The following TET3 variants were observed in gnomAD, a reference collection of about 807,000 sequenced individuals.
The protein encoded by TET3 is methylcytosine dioxygenase TET3.
In TET3, 19 loss-of-function variants were observed where a neutral mutation model predicts 141.4. The ratio of observed to expected loss-of-function variants is 0.13; its 90% CI spans 0.09 to 0.20. The LOEUF is 0.20. TET3 is among the 10% of genes least tolerant of loss of function. TET3 has a pLI of 1.00. For synonymous variants in TET3, 1,043 were observed against 980.9 expected, an observed-to-expected ratio of 1.06 and a Z score of -1.18; for missense variants, 1,874 against 2,356.9, an observed-to-expected ratio of 0.80 and a Z score of 4.24.
the TET3 span, chr2:74,123,171 G>A: frequency 6.6e-6 from 1 of 152,198 alleles, no homozygotes; most frequent in African/African-American, 2.4e-5. Context: ...GATGAAAAGA[G>A]TTAAGTCCCT....
intron 1 of TET3, among the ~76,000 whole-genome samples, 186 bp downstream of exon 1, chr2:73,985,343 CG>C (rs1215142933): frequency 3.0e-4 from 1 of 3,296 alleles, no homozygotes; most frequent in Non-Finnish European, 7.2e-4. Context: ...GGTGGCGGGG[CG>C]GGGGCGGGGG....
intron 10 of TET3, among the ~76,000 whole-genome samples, chr2:74,096,113 A>T (rs1185157228): frequency 2.6e-5 from 4 of 152,180 alleles, no homozygotes; most frequent in Non-Finnish European, 5.9e-5. Context: ...TGATATTTGT[A>T]AAGTATCTCT....
At chr2:74,120,109 C>T in the TET3 span, among the ~76,000 whole-genome samples, 1 of 152,226 alleles carries the variant, frequency 6.6e-6, no homozygotes, top group Non-Finnish European at 1.5e-5. Context: ...TCTTAAGAGC[C>T]CACAGGTTGG....
intron 8 of TET3, 132 bp from the exon 9 acceptor site, chr2:74,092,770 G>A (rs370464068): frequency 2.0e-5 from 15 of 751,080 alleles, no homozygotes; most frequent in East Asian, 1.1e-4. Flanking sequence ...TGAAGGAAAG[G>A]CCAGAAAGAC....
At chr2:74,003,026 G>A (rs1684946707) in intron 2 of TET3, 84 bp from the exon 3 acceptor site, 7 of 1,478,264 alleles carry the variant, frequency 4.7e-6, no homozygotes, top group Non-Finnish European at 5.5e-6. Flanking sequence ...TTCCCCTCCG[G>A]CCGGGCTGGG....
At chr2:74,025,295 G>T (rs1393535122) in intron 3 of TET3, among the ~76,000 whole-genome samples, 42 of 139,596 alleles carry the variant, frequency 3.0e-4, no homozygotes, top group Non-Finnish European at 4.7e-5. Context: ...GTAGGTTTTT[G>T]TTTTTTTTTT....
the TET3 span, chr2:74,122,949 C>G: frequency 9.2e-5 from 14 of 152,032 alleles, no homozygotes. Context: ...CCACCTTGGC[C>G]TCCCAGAGTG....
chr2:74,003,191 TG>T, intron 3 of TET3, 25 bp downstream of exon 3: 2 of 1,231,854 alleles, frequency 1.6e-6, no homozygotes, highest in Non-Finnish European at 2.2e-6. Context: ...TGCGTGCGTG[TG>T]TGTGCGTGTG....
rs768571612 is a variant in TET3, at chr2:74,073,577, A to G, written c.2523A>G (p.Pro841=). 1 of 1,611,984 alleles carries G rather than the reference A, an allele frequency of 6.2e-7. No homozygotes were observed. The highest frequency in any genetic ancestry group is 8.5e-7 in the Non-Finnish European group (1 of 1,179,198). Reference sequence around the variant, plus strand: ...AAATAGTGGAGAAAGATGAAGGTCCATATTATACTCACTTGGGATCTGGCC... The same window carrying G: ...AAATAGTGGAGAAAGATGAAGGTCCGTATTATACTCACTTGGGATCTGGCC... ...VEQIVEKDEG[P]YYTHLGSGPT... Residue 841 remains proline, a synonymous_variant, in exon 5 of 12, where the codon CCA becomes CCG. Transcript: ENST00000409262.
chr2:73,992,396 T>C (rs532647306), intron 2 of TET3, among the ~76,000 whole-genome samples: 3 of 151,530 alleles, frequency 2.0e-5, no homozygotes, highest in Admixed American at 2.0e-4. Flanking sequence ...TCACTGCAAC[T>C]TCCACCTCCC....
intron 5 of TET3, among the ~76,000 whole-genome samples, chr2:74,076,852 T>C (rs1689543242): frequency 6.6e-6 from 1 of 152,182 alleles, no homozygotes; most frequent in Non-Finnish European, 1.5e-5. Flanking sequence ...GGAAGTAAAC[T>C]GAAATCAGGG....
chr2:74,045,833 T>C (rs1687584623), intron 3 of TET3, among the ~76,000 whole-genome samples: 1 of 152,232 alleles, frequency 6.6e-6, no homozygotes, highest in Non-Finnish European at 1.5e-5. Flanking sequence ...TCCCTACCCC[T>C]ACGAACCCAC....
At chr2:74,133,814 G>T in the TET3 span, among the ~76,000 whole-genome samples, 2 of 152,148 alleles carry the variant, frequency 1.3e-5, no homozygotes, top group African/African-American at 4.8e-5. Flanking sequence ...GCACAATCTT[G>T]GTTCACTGCA....
At chr2:74,097,106 GAAAAAGAAAAAAAA>G (rs1690881682) in intron 10 of TET3, among the ~76,000 whole-genome samples, 1 of 56,436 alleles carries the variant, frequency 1.8e-5, no homozygotes, top group African/African-American at 5.1e-5. Flanking sequence ...AGAAAAAGAA[GAAAAAGAAAAAAAA>G]AAAAAGAAAA....
chr2:74,062,122 C>CT (rs972282776), intron 4 of TET3, among the ~76,000 whole-genome samples: 4 of 152,230 alleles, frequency 2.6e-5, no homozygotes, highest in African/African-American at 9.6e-5. Flanking sequence ...GCACTCCAGC[C>CT]TGGGCACCAT....
intron 3 of TET3, among the ~76,000 whole-genome samples, chr2:74,009,179 T>C (rs1685299558): frequency 6.6e-6 from 1 of 152,184 alleles, no homozygotes; most frequent in Non-Finnish European, 1.5e-5. Context: ...GAAGGAGCCG[T>C]TTCCTGCCAG....
intron 4 of TET3, among the ~76,000 whole-genome samples, chr2:74,052,133 C>A (rs938565574): frequency 6.6e-6 from 1 of 152,180 alleles, no homozygotes; most frequent in Non-Finnish European, 1.5e-5. Flanking sequence ...GCACCCACCA[C>A]CATGCCTGGC....
intron 4 of TET3, among the ~76,000 whole-genome samples, chr2:74,063,208 A>G (rs1415502916): frequency 6.7e-6 from 1 of 149,640 alleles, no homozygotes; most frequent in South Asian, 2.1e-4. Flanking sequence ...TTTTTAATGG[A>G]GTATGCCAGG....
rs2105055814 is a variant in TET3, at chr2:73,986,284, C to T, written c.-120C>T. 1.0e-6 allele frequency: 1 copy of T among 955,978 alleles called. No homozygotes were observed. The highest frequency in any genetic ancestry group is 1.4e-6 in the Non-Finnish European group (1 of 736,904). The allele number at this position is 955,978 out of a possible 1,614,324, so 59.2% of individuals were successfully genotyped here. ...CATCCACGAGACTGAAGCCACTTGC[C>T]TTCACCCTTGTAGACTCTTGACTGT... On this transcript the variant is annotated 5_prime_UTR_variant, in exon 2 of 12. Coordinates refer to ENST00000409262, the MANE Select transcript of TET3 (RefSeq NM_001287491.2).
Sources: gnomAD v4.1 joint callset for allele counts (sites outside exome capture counted in the v4.1 genomes callset) on GRCh38, gnomAD v4.1.1 for gene constraint, MANE v1.5 for transcripts, NCBI Gene and HGNC (gene_info 2026-07-23, HGNC 2026-07-21) for gene names.